The following NME9 variants were observed in gnomAD, a reference collection of about 807,000 sequenced individuals.
NME9 encodes NME/NM23 family member 9, also known as thioredoxin domain-containing protein 6.
In NME9, 48 loss-of-function variants were observed where a neutral mutation model predicts 44.4. That is an observed-to-expected ratio of 1.08 (90% confidence interval 0.86 to 1.37). NME9 has a LOEUF of 1.37. Among genes scored for constraint, NME9 ranks in the 40% most tolerant of loss-of-function variants. The pLI, the probability that NME9 is intolerant of heterozygous loss-of-function variation, is 0.00. For synonymous variants in NME9, 139 were observed against 147.1 expected (o/e 0.94, Z 0.40); for missense variants, 325 against 405.2 (o/e 0.80, Z 1.70).
intron 8 of NME9, among the ~76,000 whole-genome samples, chr3:138,281,498 G>A (rs1270865524): frequency 1.3e-5 from 2 of 151,996 alleles, no homozygotes; most frequent in African/African-American, 4.8e-5. Flanking sequence ...TCACCATATT[G>A]GCCAGGATGG....
At chr3:138,286,463 TC>T in intron 8 of NME9, among the ~76,000 whole-genome samples, 1 of 152,278 alleles carries the variant, frequency 6.6e-6, no homozygotes, top group African/African-American at 2.4e-5. Flanking sequence ...TATTTCCTCC[TC>T]CTGGAAATAT....
intron 8 of NME9, among the ~76,000 whole-genome samples, chr3:138,281,502 AG>A (rs1240824403): frequency 6.6e-6 from 1 of 152,130 alleles, no homozygotes; most frequent in East Asian, 1.9e-4. Flanking sequence ...CATATTGGCC[AG>A]GATGGTCTCA....
intron 8 of NME9, among the ~76,000 whole-genome samples, chr3:138,263,151 A>G (rs2047920892): frequency 6.6e-6 from 1 of 152,272 alleles, no homozygotes; most frequent in African/African-American, 2.4e-5. Context: ...GTATCTAGAC[A>G]TTGATGAAGG....
rs563236505 is a variant in NME9, at chr3:138,316,614, A to C, written c.268-971T>G. On this transcript the variant is annotated intron_variant, in intron 4 of 10. Transcript: ENST00000333911. ...AACTCTTTCAAAAGTCTATTTATTT[A>C]TTTATTTATTTATTTATGAGATGGA... is the stretch of plus-strand genomic sequence containing the variant. Among the ~76,000 whole-genome samples the C allele has an allele frequency of 2.2e-4, 34 of 152,026 alleles. 1 individual carries two copies. The East Asian group carries it at 6.2e-3, about 28-fold the overall frequency.
chr3:138,276,714 G>T (rs1423281539), intron 8 of NME9, among the ~76,000 whole-genome samples: 3 of 152,110 alleles, frequency 2.0e-5, no homozygotes, highest in African/African-American at 7.2e-5. Context: ...AATCTCACAA[G>T]GATCTGTATA....
intron 8 of NME9, among the ~76,000 whole-genome samples, chr3:138,278,261 C>A (rs934753961): frequency 7.9e-5 from 12 of 152,154 alleles, no homozygotes; most frequent in African/African-American, 2.9e-4. Context: ...GATCCCAGCA[C>A]TTTGGGAGGC....
At chr3:138,270,584 G>A (rs1452614663) in intron 8 of NME9, among the ~76,000 whole-genome samples, 1 of 152,124 alleles carries the variant, frequency 6.6e-6, no homozygotes, top group Non-Finnish European at 1.5e-5. Context: ...TAAAAATTAT[G>A]TGTGTTTATA....
chr3:138,293,548 GAA>G (rs2108399755), intron 8 of NME9, among the ~76,000 whole-genome samples: 1 of 151,508 alleles, frequency 6.6e-6, no homozygotes, highest in South Asian at 2.1e-4. Context: ...AAAAAAAAAA[GAA>G]AAGAGGAAGA....
chr3:138,298,327 T>G (rs2108418988), downstream of NME9: 1 of 152,370 alleles, frequency 6.6e-6, no homozygotes, highest in African/African-American at 2.4e-5. Flanking sequence ...TGGTAGTGTT[T>G]GGATAATATG....
rs965133815 is a variant in NME9 at position 138,329,656 on chromosome 3, G to C, written c.-321C>G. 4.9e-5 allele frequency: 61 copies of C among 1,254,206 alleles called. No individual in the cohort carries two copies. Among genetic ancestry groups the C allele is most frequent in the Admixed American group, 8.3e-5 (2 of 24,036 alleles). The allele number at this position is 1,254,206 out of a possible 1,614,324, so 77.7% of individuals were successfully genotyped here. A position where few individuals can be genotyped will look rare whatever the true frequency, so the allele number is the denominator to read the frequency against. ...GCGCAGAGGCCGGAGTCAGTGCGCC[G>C]GGCGCGGTGCAGCCTGTCGGGCACA... On this transcript the variant is annotated 5_prime_UTR_variant, in exon 1 of 11. Coordinates refer to ENST00000333911, the MANE Select transcript of NME9 (RefSeq NM_001349018.2).
intron 8 of NME9, among the ~76,000 whole-genome samples, chr3:138,274,187 A>T (rs1472616535): frequency 6.6e-6 from 1 of 151,804 alleles, no homozygotes; most frequent in Non-Finnish European, 1.5e-5. Context: ...ATATTCTGTC[A>T]GGTCAACTTT....
intron 8 of NME9, among the ~76,000 whole-genome samples, chr3:138,265,138 C>T (rs544471558): frequency 1.3e-5 from 2 of 152,148 alleles, no homozygotes; most frequent in African/African-American, 4.8e-5. Context: ...CTCAAGTGAT[C>T]CTGCCTTGGC....
chr3:138,279,364 C>A (rs1483626343), intron 8 of NME9, among the ~76,000 whole-genome samples: 2 of 151,914 alleles, frequency 1.3e-5, no homozygotes, highest in Non-Finnish European at 2.9e-5. Flanking sequence ...GATTCAGTTT[C>A]AAATGTTAAA....
chr3:138,270,023 T>TC, intron 8 of NME9: 4 of 1,578,886 alleles, frequency 2.5e-6, no homozygotes, highest in Non-Finnish European at 3.5e-6. Context: ...ATTTTTTTTT[T>TC]CCCTGTCCAA....
downstream of NME9, chr3:138,296,211 AAT>A (rs1414181979): frequency 3.7e-6 from 1 of 271,170 alleles, no homozygotes; most frequent in Non-Finnish European, 7.0e-6. Flanking sequence ...AGTGAGAATG[AAT>A]ATGTCTGTGT....
chr3:138,321,002 T>C (rs1481185531), intron 2 of NME9, among the ~76,000 whole-genome samples: 1 of 152,226 alleles, frequency 6.6e-6, no homozygotes, highest in African/African-American at 2.4e-5. Context: ...ACTACCTATC[T>C]GTGGTGTCCT....
chr3:138,275,946 C>G (rs1293483560), intron 8 of NME9, among the ~76,000 whole-genome samples: 2 of 151,940 alleles, frequency 1.3e-5, no homozygotes, highest in African/African-American at 4.8e-5. Flanking sequence ...TACTGAAACA[C>G]AACAATGAAG....
At chr3:138,292,492 G>T (rs948994533) in intron 8 of NME9, among the ~76,000 whole-genome samples, 18 of 152,274 alleles carry the variant, frequency 1.2e-4, no homozygotes, top group African/African-American at 4.3e-4. Flanking sequence ...AGAAGTGGTT[G>T]GATTCAGGAT....
intron 8 of NME9, among the ~76,000 whole-genome samples, chr3:138,295,260 A>G (rs1158647097): frequency 6.6e-6 from 1 of 152,214 alleles, no homozygotes; most frequent in East Asian, 1.9e-4. Context: ...AACAACACAC[A>G]TCTCACATTG....
Sources: allele counts gnomAD v4.1 joint callset (sites outside exome capture counted in the v4.1 genomes callset), GRCh38; gene constraint gnomAD v4.1.1; transcripts MANE v1.5; gene names NCBI Gene and HGNC (gene_info 2026-07-23, HGNC 2026-07-21).